Variants in SYNPR observed in about 807,000 individuals in gnomAD.
The protein encoded by SYNPR is synaptoporin.
A neutral mutation model predicts 32.9 loss-of-function variants in SYNPR; 23 were observed. That is an observed-to-expected ratio of 0.70 (90% CI 0.50 to 0.99). The LOEUF (loss-of-function observed/expected upper bound fraction) is 0.99. Among genes scored for constraint, SYNPR ranks in the 50% least tolerant of loss-of-function variants. SYNPR has a pLI of 0.00. For missense variants in SYNPR, 318 were observed against 349.3 expected (o/e 0.91, Z 0.71); for synonymous variants, 146 against 135.9 (o/e 1.07, Z -0.52).
At chr3:63,433,664 A>G (rs1700030601) in intron 2 of SYNPR, among the ~76,000 whole-genome samples, 1 of 152,180 alleles carries the variant, frequency 6.6e-6, no homozygotes, top group Non-Finnish European at 1.5e-5. Context: ...CCCATCGGAT[A>G]CCAGGGCTGC....
chr3:63,362,692 C>A (rs1290910021), intron 2 of SYNPR, among the ~76,000 whole-genome samples: 2 of 152,092 alleles, frequency 1.3e-5, no homozygotes, highest in African/African-American at 4.8e-5. Context: ...ACAGGGAGGC[C>A]TAACCTAACT....
chr3:63,405,816 C>A (rs1039243790), intron 2 of SYNPR, among the ~76,000 whole-genome samples: 1 of 152,156 alleles, frequency 6.6e-6, no homozygotes, highest in African/African-American at 2.4e-5. Context: ...ATCCACAAAG[C>A]CTTGTTTGAA....
At chr3:63,416,562 AAC>A (rs1491101894) in intron 2 of SYNPR, among the ~76,000 whole-genome samples, 1 of 151,498 alleles carries the variant, frequency 6.6e-6, no homozygotes, top group African/African-American at 2.4e-5. Context: ...ACCAAAAAAA[AAC>A]ACAGAAGTTA....
chr3:63,494,439 A>ATC (rs1701324613), intron 3 of SYNPR, among the ~76,000 whole-genome samples: 1 of 129,878 alleles, frequency 7.7e-6, no homozygotes, highest in Non-Finnish European at 1.6e-5. Flanking sequence ...ATATACGTAT[A>ATC]TATATATACA....
intron 1 of SYNPR, 22 bp downstream of exon 1, chr3:63,278,573 C>T (rs1028053631): frequency 7.1e-6 from 11 of 1,550,934 alleles, no homozygotes; most frequent in African/African-American, 1.4e-5. Context: ...CTGGGCAGGG[C>T]GGCTGGCTGG....
chr3:63,268,638 TGTC>T (rs1358951990), intron 3 of SYNPR, among the ~76,000 whole-genome samples: 2 of 152,184 alleles, frequency 1.3e-5, no homozygotes. Context: ...TTTTCATCCT[TGTC>T]TTCTTCATGT....
intron 3 of SYNPR, among the ~76,000 whole-genome samples, chr3:63,271,768 C>G (rs2086537025): frequency 6.6e-6 from 1 of 151,782 alleles, no homozygotes; most frequent in African/African-American, 2.4e-5. Context: ...TTATATAATC[C>G]TAGGATTATA....
chr3:63,355,676 C>T (rs760331216), intron 2 of SYNPR, among the ~76,000 whole-genome samples: 1 of 152,028 alleles, frequency 6.6e-6, no homozygotes, highest in South Asian at 2.1e-4. Context: ...TCCCATTCTC[C>T]GTCACCTCCC....
chr3:63,599,264 T>A (rs1352516133), intron 4 of SYNPR, among the ~76,000 whole-genome samples: 1 of 152,210 alleles, frequency 6.6e-6, no homozygotes, highest in Non-Finnish European at 1.5e-5. Context: ...AGTCTAATCA[T>A]ACAGAATTTA....
At chr3:63,257,577 A>T (rs1171123136) in intron 2 of SYNPR, among the ~76,000 whole-genome samples, 1 of 152,214 alleles carries the variant, frequency 6.6e-6, no homozygotes, top group African/African-American at 2.4e-5. Flanking sequence ...AGCACTAAAC[A>T]TGGAAAGGAA....
chr3:63,491,007 G>A (rs925411120), intron 3 of SYNPR, among the ~76,000 whole-genome samples: 4 of 151,986 alleles, frequency 2.6e-5, no homozygotes, highest in Non-Finnish European at 5.9e-5. Context: ...CAGGTGATCT[G>A]CCCACCTCAG....
intron 2 of SYNPR, among the ~76,000 whole-genome samples, chr3:63,281,128 A>G (rs2086626517): frequency 6.6e-6 from 1 of 152,180 alleles, no homozygotes; most frequent in African/African-American, 2.4e-5. Context: ...GATATTGACA[A>G]TGACAGGAAA....
intron 2 of SYNPR, among the ~76,000 whole-genome samples, chr3:63,380,958 C>A (rs956041407): frequency 9.9e-5 from 15 of 152,180 alleles, no homozygotes; most frequent in African/African-American, 3.4e-4. Context: ...ACTGAATGGG[C>A]AAAAACTGGA....
intron 2 of SYNPR, among the ~76,000 whole-genome samples, chr3:63,345,644 C>G (rs2087427741): frequency 6.6e-6 from 1 of 152,136 alleles, no homozygotes; most frequent in African/African-American, 2.4e-5. Flanking sequence ...CATTGGCTGA[C>G]TCCAACCCCA....
upstream of SYNPR, among the ~76,000 whole-genome samples, chr3:63,224,412 A>T (rs2086114076): frequency 6.6e-6 from 1 of 152,200 alleles, no homozygotes. Flanking sequence ...CCCTGATGCC[A>T]AATTATTGGG....
At chr3:63,387,229 T>C (rs1190360048) in intron 2 of SYNPR, among the ~76,000 whole-genome samples, 1 of 152,244 alleles carries the variant, frequency 6.6e-6, no homozygotes, top group African/African-American at 2.4e-5. Context: ...TATCCATTCT[T>C]ATATCCAAAT....
At chr3:63,267,179 C>G (rs1011779729) in intron 2 of SYNPR, 1 of 152,142 alleles carries the variant, frequency 6.6e-6, no homozygotes, top group Non-Finnish European at 1.5e-5. Context: ...ATCAGGTTAA[C>G]TAATGGTGGA....
chr3:63,445,698 G>C (rs2107167563), intron 2 of SYNPR: 1 of 533,554 alleles, frequency 1.9e-6, no homozygotes, highest in African/African-American at 1.9e-5. Flanking sequence ...ATGAGAAAAT[G>C]GAGACATAGG....
chr3:63,611,414 G>A (rs565935621), intron 5 of SYNPR, among the ~76,000 whole-genome samples: 5 of 152,278 alleles, frequency 3.3e-5, no homozygotes. Context: ...CAAAAGCAGG[G>A]GAAAGGACAT....
Sources: gnomAD v4.1 joint callset for allele counts (sites outside exome capture counted in the v4.1 genomes callset) on GRCh38, gnomAD v4.1.1 for gene constraint, MANE v1.5 for transcripts, NCBI Gene and HGNC (gene_info 2026-07-23, HGNC 2026-07-21) for gene names.